RPL27A: variants seen among roughly 807,000 people sequenced by gnomAD.
RPL27A encodes the protein ribosomal protein L27a.
For synonymous variants in RPL27A, 69 were observed against 68.3 expected, an observed-to-expected ratio of 1.01 and a Z score of -0.05; for missense variants, 118 against 189.4, an observed-to-expected ratio of 0.62 and a Z score of 2.21.
At chr11:8,683,526 A>G (rs1350228886) in intron 2 of RPL27A, 1 of 564,942 alleles carries the variant, frequency 1.8e-6, no homozygotes, top group East Asian at 3.0e-5. Context: ...GTGGAACCTG[A>G]AAAGATGTTT....
At chr11:8,685,254 T>C (rs913939224) in intron 4 of RPL27A, 1 of 432,726 alleles carries the variant, frequency 2.3e-6, no homozygotes, top group Non-Finnish European at 4.4e-6. Flanking sequence ...GCGGGGGTTC[T>C]GGTCCCTGTG....
chr11:8,683,691 G>T (rs563357799), intron 2 of RPL27A: 11 of 477,406 alleles, frequency 2.3e-5, no homozygotes, highest in Admixed American at 1.0e-4. Context: ...TAGCTTTTTT[G>T]TGTGTGTGTG....
At position 8,684,886 on chromosome 11, in the gene RPL27A, G is replaced by A; in HGVS notation, c.312G>A (p.Val104=). The change falls in exon 4 of 5, where the codon GTG becomes GTA. Residue 104 remains valine, a synonymous_variant. Transcript: ENST00000314138. The stretch of plus-strand genomic sequence containing the variant: ...GGGCTGCTCCCATCATTGATGTGGT[G>A]CGATCGGTAAGTTAATTGGATGTTT... ...KTGAAPIIDV[V]RSGYYKVLGK... is the part of the protein sequence containing the mutation. 6.2e-7 allele frequency: 1 copy of A among 1,614,174 alleles called. No homozygotes were observed. The highest frequency in any genetic ancestry group is 1.1e-5 in the South Asian group (1 of 91,082).
At position 8,688,230 on chromosome 11, in the gene RPL27A, G is replaced by C. The variant is rs1363818501; in HGVS notation, c.*2424G>C. The C allele has an allele frequency of 6.6e-6, 1 of 152,236 alleles. No individual in the cohort carries two copies. Among genetic ancestry groups the C allele is most frequent in the African/African-American group, 2.4e-5 (1 of 41,448 alleles). 9.4% of individuals were successfully genotyped at this position (152,236 alleles called of 1,614,324 possible). ...GACGGGACTTGGAGACTGAATTGTA[G>C]TGGGCCGACCACAAAATGATAAGGC... is the stretch of plus-strand genomic sequence containing the variant. On this transcript the variant is annotated 3_prime_UTR_variant, in exon 5 of 5. Transcript: ENST00000314138.
rs1205590877 is a variant in RPL27A, at chr11:8,685,306, C to G, written c.319-372C>G. On this transcript the variant is annotated intron_variant, in intron 4 of 4. Transcript: ENST00000314138. The stretch of plus-strand genomic sequence containing the variant: ...TGAATATAGAGGTAGTGTTAAGAGG[C>G]CAGAACCCTAGGGACGCTTTAAATT... 6.1e-6 allele frequency: 3 copies of G among 492,722 alleles called. No homozygotes were observed. The East Asian group carries it at 1.5e-4, about 24-fold the overall frequency. The allele number at this position is 492,722 out of a possible 1,614,324, so 30.5% of individuals were successfully genotyped here.
intron 2 of RPL27A, 42 bp downstream of exon 2, chr11:8,683,307 T>C: frequency 6.4e-7 from 1 of 1,571,556 alleles, no homozygotes; most frequent in Non-Finnish European, 8.8e-7. Context: ...TGGGCTCTCT[T>C]CGGGTGCTTA....
chr11:8,683,916 A>T (rs2039546456), intron 2 of RPL27A, 90 bp from the exon 3 acceptor site: 2 of 993,336 alleles, frequency 2.0e-6, no homozygotes, highest in Admixed American at 1.7e-5. Flanking sequence ...TCCTGACCTC[A>T]GGTGATCTAC....
At position 8,688,317 on chromosome 11, in the gene RPL27A, CAGG is replaced by C. The variant is rs1412006525; in HGVS notation, c.*2514_*2516del. The C allele has an allele frequency of 4.6e-5, 7 of 152,100 alleles. No homozygotes were observed. Among genetic ancestry groups the C allele is most frequent in the Non-Finnish European group, 2.9e-5 (2 of 68,032 alleles). 9.4% of individuals were successfully genotyped at this position (152,100 alleles called of 1,614,324 possible). A position where few individuals can be genotyped will look rare whatever the true frequency, so the allele number is the denominator to read the frequency against. On this transcript the variant is annotated 3_prime_UTR_variant, in exon 5 of 5. Coordinates refer to ENST00000314138, the MANE Select transcript of RPL27A (RefSeq NM_000990.5). ...GTCCCTTAATGGCTACCTTCTTCCC[CAGG>C]AGTTGTTAGGCCATCCGATCCCCTG...
intron 1 of RPL27A, 59 bp downstream of exon 1, chr11:8,682,875 C>G: frequency 1.3e-6 from 2 of 1,563,574 alleles, no homozygotes; most frequent in Non-Finnish European, 1.7e-6. Context: ...AAGCTGTATT[C>G]CCATTGCCCC....
rs905305904 is a variant in RPL27A, at chr11:8,689,146, C to T, written c.*3340C>T. ...AGAGGCGGGATGTTCAACTCCACCCCTGGTCCTTGGGCGGCCGTGGGTCCC... is the reference window on the plus strand; with the variant it reads ...AGAGGCGGGATGTTCAACTCCACCCTTGGTCCTTGGGCGGCCGTGGGTCCC... On this transcript the variant is annotated 3_prime_UTR_variant, in exon 5 of 5. Transcript: ENST00000314138. The T allele has an allele frequency of 6.6e-6, 1 of 152,302 alleles. No homozygotes were observed. The highest frequency in any genetic ancestry group is 1.5e-5 in the Non-Finnish European group (1 of 68,088). The allele number at this position is 152,302 out of a possible 1,614,324, so 9.4% of individuals were successfully genotyped here.
intron 1 of RPL27A, 35 bp downstream of exon 1, chr11:8,682,851 C>G (rs189117738): frequency 4.4e-6 from 7 of 1,604,704 alleles, no homozygotes; most frequent in Non-Finnish European, 1.7e-6. Flanking sequence ...TCTTCCTTGC[C>G]GGCGGAGACC....
Position 8,686,307 on chromosome 11 carries a change from C to T in RPL27A, c.*501C>T, listed in dbSNP as rs535091678. On this transcript the variant is annotated 3_prime_UTR_variant, in exon 5 of 5. Transcript: ENST00000314138. ...AGTGCAGTGGCACGATCTCGGCTCA[C>T]TGCAGCCTCCGCCTCCCAGGTTAAG... 7 of 153,174 alleles carry T rather than the reference C, an allele frequency of 4.6e-5. No homozygotes were observed. Among genetic ancestry groups the T allele is most frequent in the African/African-American group, 1.7e-4 (7 of 41,510 alleles). 9.5% of individuals were successfully genotyped at this position (153,174 alleles called of 1,614,324 possible). A position where few individuals can be genotyped will look rare whatever the true frequency, so the allele number is the denominator to read the frequency against.
intron 2 of RPL27A, 66 bp from the exon 3 acceptor site, chr11:8,683,940 C>T (rs772815622): frequency 2.2e-6 from 3 of 1,334,800 alleles, no homozygotes; most frequent in Non-Finnish European, 3.2e-6. Flanking sequence ...CCCTCGTCCT[C>T]CTAAAATGCT....
At chr11:8,685,218 A>C (rs1592237482) in intron 4 of RPL27A, 1 of 408,706 alleles carries the variant, frequency 2.4e-6, no homozygotes, top group East Asian at 5.0e-5. Context: ...ATTTTCCCCC[A>C]AAACAGATGT....
intron 1 of RPL27A, 128 bp downstream of exon 1, chr11:8,682,944 G>A (rs999821943): frequency 1.5e-6 from 2 of 1,310,998 alleles, no homozygotes; most frequent in Non-Finnish European, 2.1e-6. Flanking sequence ...CGCCTGCGGG[G>A]CAGGGTGGCC....
At chr11:8,685,591 A>G (rs774128316) in intron 4 of RPL27A, 87 bp from the exon 5 acceptor site, 1 of 1,455,098 alleles carries the variant, frequency 6.9e-7, no homozygotes, top group Admixed American at 1.7e-5. Flanking sequence ...AGGGATTTAG[A>G]AAGTGGGTTG....
chr11:8,683,669 G>A (rs888641860), intron 2 of RPL27A: 3 of 480,980 alleles, frequency 6.2e-6, no homozygotes, highest in African/African-American at 5.9e-5. Flanking sequence ...TGAGAAGGCT[G>A]TGTGGTGCAT....
At chr11:8,684,147 T>A in intron 3 of RPL27A, 66 bp downstream of exon 3, 1 of 1,369,488 alleles carries the variant, frequency 7.3e-7, no homozygotes, top group Non-Finnish European at 1.0e-6. Context: ...AGGGCTGGCT[T>A]AAACAAAAAG....
chr11:8,684,191 A>G (rs771459862), intron 3 of RPL27A, 110 bp downstream of exon 3: 1 of 896,426 alleles, frequency 1.1e-6, no homozygotes, highest in Non-Finnish European at 1.9e-6. Context: ...GCTGTTTTTT[A>G]CCAAGTTAAC....
Sources: allele counts gnomAD v4.1 joint callset, GRCh38; gene constraint gnomAD v4.1.1; transcripts MANE v1.5; gene names NCBI Gene and HGNC (gene_info 2026-07-23, HGNC 2026-07-21).